The following MICU2 variants were observed in gnomAD, a reference collection of about 807,000 sequenced individuals.
MICU2 encodes mitochondrial calcium uptake 2, also known as calcium uptake protein 2, mitochondrial.
MICU2 carries 64 observed loss-of-function variants against 60.4 expected under a neutral mutation model. The observed-to-expected ratio is 1.06, with a 90% CI of 0.87 to 1.31. The LOEUF is 1.31. Ranked by LOEUF, MICU2 falls within the 50% of genes most tolerant of loss-of-function variation. The probability of loss-of-function intolerance (pLI) is 0.00; values close to 1 mark genes in which losing one functional copy is unlikely to be tolerated. For missense variants in MICU2, 569 were observed against 531.0 expected, an observed-to-expected ratio of 1.07 and a Z score of -0.70; for synonymous variants, 201 against 175.0, an observed-to-expected ratio of 1.15 and a Z score of -1.17.
At chr13:21,564,070 A>G (rs77893568) in intron 2 of MICU2, among the ~76,000 whole-genome samples, 3,473 of 152,224 alleles carry the variant, frequency 0.023, 108 homozygotes, top group African/African-American at 0.074. Context: ...CGTTACTTTA[A>G]ATGCTGTGCA....
chr13:21,600,513 A>G (rs1888789923), intron 1 of MICU2, among the ~76,000 whole-genome samples: 1 of 152,210 alleles, frequency 6.6e-6, no homozygotes, highest in African/African-American at 2.4e-5. Context: ...AACTGTAAGC[A>G]CATAAACTGT....
intron 8 of MICU2, among the ~76,000 whole-genome samples, chr13:21,507,959 C>T (rs1886332075): frequency 6.6e-6 from 1 of 151,674 alleles, no homozygotes; most frequent in African/African-American, 2.4e-5. Context: ...GACAGAGTCT[C>T]ACTCTGTCAC....
intron 8 of MICU2, among the ~76,000 whole-genome samples, chr13:21,506,267 T>C (rs751194352): frequency 3.9e-5 from 6 of 152,134 alleles, no homozygotes; most frequent in Non-Finnish European, 8.8e-5. Context: ...CTGCCTGCCT[T>C]GGCCTTCCAA....
At chr13:21,507,286 G>A (rs985239329) in intron 8 of MICU2, among the ~76,000 whole-genome samples, 47 of 152,134 alleles carry the variant, frequency 3.1e-4, no homozygotes, top group African/African-American at 1.1e-3. Flanking sequence ...AGTAAGGTGA[G>A]AAGCAACCTT....
intron 1 of MICU2, among the ~76,000 whole-genome samples, chr13:21,589,244 T>TG (rs1035556489): frequency 1.3e-5 from 2 of 152,292 alleles, no homozygotes; most frequent in African/African-American, 4.8e-5. Flanking sequence ...AAAAGTGGTT[T>TG]GGTAAATGGA....
chr13:21,539,687 A>AC lies in MICU2; in HGVS notation c.359dup (p.Lys121Ter), dbSNP rs1461020309. ...TTGTCAGCTTCTTGACTGAAGTTTT[A>AC]CCTACAACAAATAAGAAACATTATT... On this transcript the variant is annotated frameshift_variant and splice_region_variant, in exon 3 of 12. Transcript: ENST00000382374. LOFTEE classifies it high-confidence loss of function. 6.2e-7 allele frequency: 1 copy of AC among 1,613,972 alleles called. No homozygotes were observed. Among genetic ancestry groups the AC allele is most frequent in the African/African-American group, 1.3e-5 (1 of 75,044 alleles).
chr13:21,515,312 G>A (rs1252545724), intron 6 of MICU2, among the ~76,000 whole-genome samples: 4 of 152,100 alleles, frequency 2.6e-5, no homozygotes, highest in Non-Finnish European at 4.4e-5. Flanking sequence ...TTGATCTCCT[G>A]ACCTTGTGAT....
At chr13:21,548,234 T>C (rs80129507) in intron 2 of MICU2, among the ~76,000 whole-genome samples, 120 of 152,342 alleles carry the variant, frequency 7.9e-4, no homozygotes, top group Non-Finnish European at 7.4e-4. Context: ...GTCTCAACTT[T>C]GTAAAAAGAA....
Position 21,603,845 on chromosome 13 carries a change from G to C in MICU2, c.210+94C>G, listed in dbSNP as rs1433046582. The stretch of plus-strand genomic sequence containing the variant: ...CAGCGGCACCTCCACCCACGGCTCC[G>C]GGAGAGCCGCCCAGAGCCAAACCAC... On this transcript the variant is annotated intron_variant, in intron 1 of 11. Coordinates refer to ENST00000382374, the MANE Select transcript of MICU2 (RefSeq NM_152726.3). 16 of 1,390,764 alleles carry C rather than the reference G, an allele frequency of 1.2e-5. No homozygotes were observed. In the East Asian group the frequency reaches 1.6e-4, roughly 14 times the overall value. The allele number at this position is 1,390,764 out of a possible 1,614,324, so 86.2% of individuals were successfully genotyped here.
chr13:21,499,625 T>G (rs944587416), intron 9 of MICU2, among the ~76,000 whole-genome samples: 1 of 151,514 alleles, frequency 6.6e-6, no homozygotes, highest in African/African-American at 2.4e-5. Flanking sequence ...TTAGCCAAGA[T>G]GTTCTCAATC....
intron 2 of MICU2, among the ~76,000 whole-genome samples, chr13:21,544,527 A>AAAC (rs946336958): frequency 6.8e-6 from 1 of 147,794 alleles, no homozygotes; most frequent in African/African-American, 2.5e-5. Context: ...AAAAAAAAAA[A>AAAC]AAAAAAACTC....
At chr13:21,574,107 G>A (rs1232427968) in intron 1 of MICU2, among the ~76,000 whole-genome samples, 1 of 152,232 alleles carries the variant, frequency 6.6e-6, no homozygotes, top group African/African-American at 2.4e-5. Context: ...GAGAGGAAGG[G>A]TATGGAATGC....
intron 11 of MICU2, among the ~76,000 whole-genome samples, chr13:21,493,575 A>G (rs2094697268): frequency 6.6e-6 from 1 of 152,220 alleles, no homozygotes. Context: ...AACCAGACTG[A>G]GCACACATTA....
At chr13:21,526,932 T>C (rs867530438) in intron 4 of MICU2, among the ~76,000 whole-genome samples, 2 of 151,934 alleles carry the variant, frequency 1.3e-5, no homozygotes, top group Non-Finnish European at 2.9e-5. Context: ...CCCAAGCAAA[T>C]AAAGGAGGGA....
chr13:21,524,907 A>G (rs1033477410), intron 4 of MICU2, among the ~76,000 whole-genome samples: 4 of 152,292 alleles, frequency 2.6e-5, no homozygotes, highest in South Asian at 2.1e-4. Flanking sequence ...TTCACTTGGC[A>G]TAATGTTTTA....
At chr13:21,531,470 C>T in intron 4 of MICU2, 2 of 615,352 alleles carry the variant, frequency 3.3e-6, no homozygotes, top group Non-Finnish European at 5.8e-6. Context: ...ACTGATGCTC[C>T]TTGGGTGCTG....
At position 21,566,905 on chromosome 13, in the gene MICU2, A is replaced by G. The variant is rs754674711; in HGVS notation, c.250T>C (p.Ser84Pro). ...EHGIIYIGKP[S>P]LRKQRFMQFS... Reference sequence around the variant, plus strand: ...TGCATGAAGCGCTGCTTACGAAGAGACGGTTTCCCAATATATATTATTCCA... The same window carrying G: ...TGCATGAAGCGCTGCTTACGAAGAGGCGGTTTCCCAATATATATTATTCCA... The change falls in exon 2 of 12, where the codon TCT becomes CCT. Residue 84 changes from serine to proline, a missense_variant. By Grantham distance (74) the Ser-to-Pro change is moderately conservative. Transcript: ENST00000382374. 1.2e-6 allele frequency: 2 copies of G among 1,609,784 alleles called. No individual in the cohort carries two copies. The highest frequency in any genetic ancestry group is 8.5e-7 in the Non-Finnish European group (1 of 1,178,878).
rs1261374964 is a variant in MICU2 at position 21,531,245 on chromosome 13, G to A, written c.466+8057C>T. 1.3e-5 allele frequency: 16 copies of A among 1,223,532 alleles called. No homozygotes were observed. The South Asian group carries it at 1.6e-4, about 12-fold the overall frequency. 75.8% of individuals were successfully genotyped at this position (1,223,532 alleles called of 1,614,324 possible). A position where few individuals can be genotyped will look rare whatever the true frequency, so the allele number is the denominator to read the frequency against. On this transcript the variant is annotated intron_variant, in intron 4 of 11. Transcript: ENST00000382374. ...CTCAAGAAAAGGACACTATAAGAAA[G>A]GAATATTGGAGATAGATTGGAAGAT... is the stretch of plus-strand genomic sequence containing the variant.
intron 2 of MICU2, among the ~76,000 whole-genome samples, chr13:21,544,608 G>C (rs551876687): frequency 1.3e-5 from 2 of 151,200 alleles, no homozygotes; most frequent in Non-Finnish European, 2.9e-5. Flanking sequence ...AGTTATGATG[G>C]CTATTAGCAA....
Sources: allele counts gnomAD v4.1 joint callset (sites outside exome capture counted in the v4.1 genomes callset), GRCh38; gene constraint gnomAD v4.1.1; transcripts MANE v1.5; gene names NCBI Gene and HGNC (gene_info 2026-07-23, HGNC 2026-07-21).